NPAS2: variants seen among roughly 807,000 people sequenced by gnomAD.
The protein encoded by NPAS2 is neuronal PAS domain-containing protein 2.
A neutral mutation model predicts 107.5 loss-of-function variants in NPAS2; 23 were observed. The ratio of observed to expected loss-of-function variants is 0.21; its 90% CI spans 0.15 to 0.30. NPAS2 has a LOEUF of 0.30. NPAS2 is among the 10% of genes least tolerant of loss of function. The pLI, the probability that NPAS2 is intolerant of heterozygous loss-of-function variation, is 1.00. For synonymous variants in NPAS2, 403 were observed against 417.5 expected, an observed-to-expected ratio of 0.97 and a Z score of 0.42; for missense variants, 756 against 1,043.3, an observed-to-expected ratio of 0.72 and a Z score of 3.79.
intron 1 of NPAS2, among the ~76,000 whole-genome samples, chr2:100,840,525 C>A (rs1022142209): frequency 1.3e-5 from 2 of 152,046 alleles, no homozygotes; most frequent in Non-Finnish European, 2.9e-5. Context: ...GTTCACAGAC[C>A]CGGCTTCCTC....
intron 1 of NPAS2, among the ~76,000 whole-genome samples, chr2:100,857,342 C>T (rs1052056050): frequency 1.3e-5 from 2 of 152,012 alleles, no homozygotes; most frequent in African/African-American, 4.8e-5. Flanking sequence ...CTGAGATCGC[C>T]CCTGAGCTTT....
intron 14 of NPAS2, 79 bp downstream of exon 14, chr2:100,975,646 G>A (rs1039651170): frequency 1.8e-5 from 19 of 1,042,450 alleles, no homozygotes; most frequent in South Asian, 6.7e-5. Context: ...GATGTGCTGC[G>A]TCTCCCCAGA....
intron 12 of NPAS2, among the ~76,000 whole-genome samples, chr2:100,971,738 G>A (rs1172290504): frequency 1.3e-5 from 2 of 151,938 alleles, no homozygotes; most frequent in African/African-American, 4.8e-5. Context: ...CTAGCCAGAC[G>A]TCTCTTTGTC....
intron 7 of NPAS2, among the ~76,000 whole-genome samples, chr2:100,959,103 A>AAAAC (rs1675764009): frequency 3.0e-5 from 2 of 66,860 alleles, no homozygotes; most frequent in Non-Finnish European, 4.0e-5. Flanking sequence ...AAAAAAAAAA[A>AAAAC]AAAAAACAAA....
At chr2:100,936,242 C>T (rs781449977) in intron 4 of NPAS2, among the ~76,000 whole-genome samples, 28 of 152,280 alleles carry the variant, frequency 1.8e-4, no homozygotes, top group Middle Eastern at 3.4e-3. Flanking sequence ...TCCGGGTTCC[C>T]GCTGCCATGC....
chr2:100,907,215 A>G (rs986586175), intron 2 of NPAS2, among the ~76,000 whole-genome samples: 5 of 152,172 alleles, frequency 3.3e-5, no homozygotes, highest in African/African-American at 1.2e-4. Context: ...ATCAGCAAAT[A>G]TAGACATGCC....
At chr2:100,967,213 A>T (rs1376400758) in intron 10 of NPAS2, among the ~76,000 whole-genome samples, 1 of 150,018 alleles carries the variant, frequency 6.7e-6, no homozygotes, top group Admixed American at 6.6e-5. Flanking sequence ...CTCTTCAGAT[A>T]ATCACATTCT....
chr2:100,975,786 C>T (rs1676950527), intron 14 of NPAS2: 1 of 446,998 alleles, frequency 2.2e-6, no homozygotes. Flanking sequence ...CATTAGAATA[C>T]AAAATCCAAG....
chr2:100,833,214 G>C (rs937357717), intron 1 of NPAS2, among the ~76,000 whole-genome samples: 1 of 152,212 alleles, frequency 6.6e-6, no homozygotes, highest in African/African-American at 2.4e-5. Flanking sequence ...TTGACGCCCT[G>C]ATATGGTCAC....
At chr2:100,860,856 G>T (rs991682136) in intron 1 of NPAS2, among the ~76,000 whole-genome samples, 12 of 150,906 alleles carry the variant, frequency 8.0e-5, no homozygotes, top group African/African-American at 2.7e-4. Flanking sequence ...ACTTAGCATG[G>T]TTTTTTTTTA....
At chr2:100,850,251 A>T (rs1356045708) in intron 1 of NPAS2, among the ~76,000 whole-genome samples, 1 of 152,194 alleles carries the variant, frequency 6.6e-6, no homozygotes, top group African/African-American at 2.4e-5. Context: ...TTTAAAACTG[A>T]TACTATAATC....
Position 100,937,776 on chromosome 2 carries a change from A to C in NPAS2, c.297A>C (p.Ala99=). The C allele has an allele frequency of 6.2e-7, 1 of 1,614,122 alleles. No individual in the cohort carries two copies. The highest frequency in any genetic ancestry group is 1.1e-5 in the South Asian group (1 of 91,084). Residue 99 remains alanine (A), a synonymous_variant, in exon 5 of 21, where the codon GCA becomes GCC. Transcript: ENST00000335681. ...MLEALDGFII[A]VTTDGSIIYV... Reference sequence around the variant, plus strand: ...AGGCATTAGATGGCTTCATTATCGCAGTGACAACAGACGGCAGCATCATCT... The same window carrying C: ...AGGCATTAGATGGCTTCATTATCGCCGTGACAACAGACGGCAGCATCATCT...
intron 2 of NPAS2, among the ~76,000 whole-genome samples, chr2:100,923,280 A>G (rs541192895): frequency 6.6e-6 from 1 of 152,272 alleles, no homozygotes; most frequent in Admixed American, 6.5e-5. Flanking sequence ...CCCTAGGTAA[A>G]GGGTAGTGAC....
At chr2:100,860,309 T>C (rs1297555352) in intron 1 of NPAS2, among the ~76,000 whole-genome samples, 7 of 152,214 alleles carry the variant, frequency 4.6e-5, no homozygotes, top group African/African-American at 1.7e-4. Flanking sequence ...GGCAGGAATA[T>C]CAGAGTGATG....
chr2:100,948,618 T>G lies in NPAS2; in HGVS notation c.484+263T>G, dbSNP rs3739004. 1.3e-3 allele frequency among the ~76,000 whole-genome samples: 140 copies of G among 108,522 alleles called. No individual in the cohort carries two copies. In the East Asian group the frequency reaches 0.024, roughly 19 times the overall value. The allele number at this position is 108,522 out of a possible 152,430, so 71.2% of individuals were successfully genotyped here. Reference sequence around the variant, plus strand: ...AATTTATTTTGTGTATATGATAAGATTTCTCTTTTTTTTTGCATGAGAGTC... The same window carrying G: ...AATTTATTTTGTGTATATGATAAGAGTTCTCTTTTTTTTTGCATGAGAGTC... On this transcript the variant is annotated intron_variant, in intron 6 of 20. Coordinates refer to ENST00000335681, the MANE Select transcript of NPAS2 (RefSeq NM_002518.4).
At chr2:100,977,407 C>G (rs573860354) in intron 14 of NPAS2, among the ~76,000 whole-genome samples, 1 of 152,308 alleles carries the variant, frequency 6.6e-6, no homozygotes, top group South Asian at 2.1e-4. Flanking sequence ...AGGGCGGAGT[C>G]CAGGACAGCA....
At chr2:100,948,150 T>G in intron 5 of NPAS2, 85 bp from the exon 6 acceptor site, 2 of 1,458,114 alleles carry the variant, frequency 1.4e-6, no homozygotes, top group Non-Finnish European at 1.9e-6. Context: ...CAGTTCTGCG[T>G]TGTTGTGAAT....
chr2:100,968,446 G>T lies in NPAS2; in HGVS notation c.1055+18G>T. Reference sequence around the variant, plus strand: ...GTGGTCAGGTACCGCGCACGGGCAGGGGTGCGGCTGCGTCCTTGTCGCACC... The same window carrying T: ...GTGGTCAGGTACCGCGCACGGGCAGTGGTGCGGCTGCGTCCTTGTCGCACC... On this transcript the variant is annotated intron_variant, in intron 11 of 20. Coordinates refer to ENST00000335681, the MANE Select transcript of NPAS2 (RefSeq NM_002518.4). This position sits in a 1 kb window ranked among gnomAD's most constrained non-coding sequence, Gnocchi z 5.3. The T allele has an allele frequency of 1.9e-6, 3 of 1,609,976 alleles. No homozygotes were observed. Among genetic ancestry groups the T allele is most frequent in the Non-Finnish European group, 2.5e-6 (3 of 1,177,106 alleles).
intron 7 of NPAS2, 94 bp downstream of exon 7, chr2:100,949,574 G>A: frequency 5.5e-6 from 4 of 723,152 alleles, no homozygotes; most frequent in Non-Finnish European, 9.6e-6. Flanking sequence ...GGAGGAGGGA[G>A]AACGCGTGCT....
Sources: allele counts gnomAD v4.1 joint callset (sites outside exome capture counted in the v4.1 genomes callset), GRCh38; gene constraint gnomAD v4.1.1; non-coding constraint Gnocchi (gnomAD v3.1); transcripts MANE v1.5; gene names NCBI Gene and HGNC (gene_info 2026-07-23, HGNC 2026-07-21).